NFYB: variants seen among roughly 807,000 people sequenced by gnomAD.
NFYB encodes the protein CAAT box DNA-binding protein subunit B.
A neutral mutation model predicts 28.0 loss-of-function variants in NFYB; 13 were observed. The ratio of observed to expected loss-of-function variants is 0.46; its 90% CI spans 0.30 to 0.74. NFYB has a LOEUF of 0.74. Ranked by LOEUF, NFYB falls within the 30% of genes least tolerant of loss-of-function variation. NFYB has a pLI of 0.07. For missense variants in NFYB, 142 were observed against 247.6 expected, an observed-to-expected ratio of 0.57 and a Z score of 2.86; for synonymous variants, 74 against 75.0, an observed-to-expected ratio of 0.99 and a Z score of 0.07.
chr12:104,132,330 A>G (rs2030954183), intron 2 of NFYB, among the ~76,000 whole-genome samples: 1 of 152,094 alleles, frequency 6.6e-6, no homozygotes, highest in Non-Finnish European at 1.5e-5. Context: ...GGCGCTAAGG[A>G]GGGGCTAGAT....
chr12:104,135,916 G>C (rs1257513701), intron 1 of NFYB, among the ~76,000 whole-genome samples: 2 of 152,044 alleles, frequency 1.3e-5, no homozygotes, highest in Non-Finnish European at 2.9e-5. Flanking sequence ...TAACACTCAA[G>C]ATGCAAACAC....
At chr12:104,135,125 T>A (rs997027368) in intron 2 of NFYB, among the ~76,000 whole-genome samples, 1 of 152,200 alleles carries the variant, frequency 6.6e-6, no homozygotes, top group Non-Finnish European at 1.5e-5. Flanking sequence ...CTTCTTCCCA[T>A]ATCTACTGCA....
chr12:104,133,312 T>C (rs1322619711), intron 2 of NFYB, among the ~76,000 whole-genome samples: 1 of 152,186 alleles, frequency 6.6e-6, no homozygotes, highest in Non-Finnish European at 1.5e-5. Flanking sequence ...CCTGGTAGTT[T>C]TTCATACAGT....
chr12:104,120,718 CAT>C (rs1457040553), intron 6 of NFYB, among the ~76,000 whole-genome samples: 3 of 152,080 alleles, frequency 2.0e-5, no homozygotes, highest in African/African-American at 7.2e-5. Context: ...GCTAACTGCC[CAT>C]GTGTACAAAT....
chr12:104,123,574 C>T (rs995111038), intron 4 of NFYB, 151 bp from the exon 5 acceptor site: 3 of 639,862 alleles, frequency 4.7e-6, no homozygotes, highest in Admixed American at 6.2e-5. Flanking sequence ...ACAATGTGTG[C>T]TATCAAAAGT....
intron 5 of NFYB, 35 bp downstream of exon 5, chr12:104,123,190 GA>G (rs141275623): frequency 7.2e-4 from 956 of 1,336,744 alleles, no homozygotes; most frequent in Middle Eastern, 1.0e-3. Flanking sequence ...AAAAAAAGAA[GA>G]AAAAAAAAAG....
intron 2 of NFYB, among the ~76,000 whole-genome samples, chr12:104,134,946 GC>G (rs1210832794): frequency 6.6e-6 from 1 of 152,164 alleles, no homozygotes; most frequent in East Asian, 1.9e-4. Context: ...CCTGGACCAT[GC>G]ACCTCTACTC....
intron 7 of NFYB, among the ~76,000 whole-genome samples, chr12:104,120,038 T>C (rs2030405704): frequency 6.6e-6 from 1 of 151,688 alleles, no homozygotes; most frequent in African/African-American, 2.4e-5. Flanking sequence ...AAATTAACTA[T>C]ATCAATAGAT....
rs181595639 is a variant in NFYB, at chr12:104,135,551, T to C, written c.-79-19A>G. On this transcript the variant is annotated intron_variant, in intron 1 of 7. Transcript: ENST00000240055. Reference sequence around the variant, plus strand: ...TTTCAACCTAAAAGATAAACATCTATTAGGACCTAACATCTATCAATAGTA... The same window carrying C: ...TTTCAACCTAAAAGATAAACATCTACTAGGACCTAACATCTATCAATAGTA... 9.4e-5 allele frequency: 102 copies of C among 1,080,576 alleles called. No homozygotes were observed. In the African/African-American group the frequency reaches 1.2e-3, roughly 13 times the overall value. 66.9% of individuals were successfully genotyped at this position (1,080,576 alleles called of 1,614,324 possible).
intron 2 of NFYB, chr12:104,131,553 C>T (rs2030922613): frequency 5.7e-6 from 2 of 348,300 alleles, no homozygotes; most frequent in South Asian, 2.2e-5. Context: ...GTACCTTTCA[C>T]TCAATAAGTC....
Position 104,119,498 on chromosome 12 carries a change from C to A in NFYB, c.*239G>T. On this transcript the variant is annotated 3_prime_UTR_variant, in exon 8 of 8. Transcript: ENST00000240055. ...CAGGAGTCATACAGAGCAACAAACTCTCGTACAAAACAAAAATATTTTAAT... is the reference window on the plus strand; with the variant it reads ...CAGGAGTCATACAGAGCAACAAACTATCGTACAAAACAAAAATATTTTAAT... 2.5e-6 allele frequency: 1 copy of A among 406,738 alleles called. No individual in the cohort carries two copies. Among genetic ancestry groups the A allele is most frequent in the African/African-American group, 2.0e-5 (1 of 50,506 alleles). 25.2% of individuals were successfully genotyped at this position (406,738 alleles called of 1,614,324 possible).
At position 104,128,428 on chromosome 12, in the gene NFYB, A is replaced by G. The variant is rs61755993; in HGVS notation, c.96T>C (p.His32=). The part of the protein sequence containing the change: ...IGGSHYVIQP[H]DDTEDSMNDH... The stretch of plus-strand genomic sequence containing the variant: ...TTCTAATTGTGGCTTGCTTACCATC[A>G]TGAGGCTGTATAACATAATGACTTC... Residue 32 remains histidine, a synonymous_variant, in exon 3 of 8, where the codon CAT becomes CAC. Transcript: ENST00000240055. The G allele has an allele frequency of 9.1e-3, 14,513 of 1,603,430 alleles. 73 individuals are homozygous for G. Among genetic ancestry groups the G allele is most frequent in the Non-Finnish European group, 0.011 (12,722 of 1,173,976 alleles).
chr12:104,128,608 T>C (rs890958620), intron 2 of NFYB, 91 bp from the exon 3 acceptor site: 2 of 742,146 alleles, frequency 2.7e-6, no homozygotes, highest in Admixed American at 2.2e-5. Context: ...GGATGATGCA[T>C]CAATTATACT....
intron 6 of NFYB, 32 bp from the exon 7 acceptor site, chr12:104,120,511 A>C: frequency 3.5e-6 from 5 of 1,438,494 alleles, no homozygotes; most frequent in African/African-American, 1.4e-5. Flanking sequence ...AAAGAGGGAA[A>C]TGAACTATAT....
chr12:104,134,071 C>T (rs1228667754), intron 2 of NFYB, among the ~76,000 whole-genome samples: 2 of 152,150 alleles, frequency 1.3e-5, no homozygotes, highest in East Asian at 1.9e-4. Flanking sequence ...GGCTACTACT[C>T]GCCACACATT....
chr12:104,124,859 A>G (rs866444860), intron 4 of NFYB, among the ~76,000 whole-genome samples: 2 of 152,190 alleles, frequency 1.3e-5, no homozygotes, highest in Non-Finnish European at 2.9e-5. Flanking sequence ...TCCTTAAAAC[A>G]TAAGGACAAA....
At chr12:104,134,960 G>A (rs758532177) in intron 2 of NFYB, among the ~76,000 whole-genome samples, 3 of 152,062 alleles carry the variant, frequency 2.0e-5, no homozygotes, top group Non-Finnish European at 4.4e-5. Flanking sequence ...CTCTACTCCC[G>A]ATCCCCTAAA....
rs1300357037 is a variant in NFYB at position 104,118,010 on chromosome 12, C to A, written c.*1727G>T. On this transcript the variant is annotated 3_prime_UTR_variant, in exon 8 of 8. Transcript: ENST00000240055. ...AAAAGATGTAAATAGTCAAAATATC[C>A]AATAGAAGATTAAATGAATTATGAT... The A allele has an allele frequency of 6.6e-6, 1 of 151,810 alleles. No individual in the cohort carries two copies. The highest frequency in any genetic ancestry group is 1.5e-5 in the Non-Finnish European group (1 of 67,984). The allele number at this position is 151,810 out of a possible 1,614,324, so 9.4% of individuals were successfully genotyped here.
chr12:104,133,450 C>T (rs759610682), intron 2 of NFYB, among the ~76,000 whole-genome samples: 1 of 152,172 alleles, frequency 6.6e-6, no homozygotes, highest in Non-Finnish European at 1.5e-5. Flanking sequence ...GCACCCTGGA[C>T]GACGGTGAGG....
Sources: gnomAD v4.1 joint callset for allele counts (sites outside exome capture counted in the v4.1 genomes callset) on GRCh38, gnomAD v4.1.1 for gene constraint, MANE v1.5 for transcripts, NCBI Gene and HGNC (gene_info 2026-07-23, HGNC 2026-07-21) for gene names.